WWP2: variants seen among roughly 807,000 people sequenced by gnomAD.
WWP2 encodes NEDD4-like E3 ubiquitin-protein ligase WWP2.
Under a neutral mutation model 121.0 loss-of-function variants are expected in WWP2, and 57 were observed. The observed-to-expected ratio is 0.47, with a 90% confidence interval of 0.38 to 0.59. The LOEUF (loss-of-function observed/expected upper bound fraction) is 0.59. Ranked by LOEUF, WWP2 falls within the 20% of genes least tolerant of loss-of-function variation. WWP2 has a pLI of 0.00. For synonymous variants in WWP2, 449 were observed against 441.3 expected, an observed-to-expected ratio of 1.02 and a Z score of -0.22; for missense variants, 962 against 1,158.9, an observed-to-expected ratio of 0.83 and a Z score of 2.47.
chr16:69,876,913 TG>T (rs2057745322), intron 7 of WWP2, among the ~76,000 whole-genome samples: 1 of 152,170 alleles, frequency 6.6e-6, no homozygotes, highest in African/African-American at 2.4e-5. Flanking sequence ...CAGACAGATG[TG>T]CTGTGATCCA....
At chr16:69,887,165 A>C (rs1435330845) in intron 7 of WWP2, among the ~76,000 whole-genome samples, 1 of 152,134 alleles carries the variant, frequency 6.6e-6, no homozygotes, top group Non-Finnish European at 1.5e-5. Context: ...AGTGTGTTTC[A>C]CTTCTGTCTC....
rs571150223 is a variant in WWP2 at position 69,939,784 on chromosome 16, G to C, written c.2514-57G>C. On this transcript the variant is annotated intron_variant, in intron 23 of 23. Coordinates refer to ENST00000359154, the MANE Select transcript of WWP2 (RefSeq NM_001270454.2). ...GCCCTGCTGCAGGCAGGCATGGTGGGGCTATCAGAGCCCTGGCCTCCTAGG... is the reference window on the plus strand; with the variant it reads ...GCCCTGCTGCAGGCAGGCATGGTGGCGCTATCAGAGCCCTGGCCTCCTAGG... 14 of 1,509,448 alleles carry C rather than the reference G, an allele frequency of 9.3e-6. 1 individual carries two copies. In the Middle Eastern group the frequency reaches 5.2e-4, roughly 56 times the overall value. The allele number at this position is 1,509,448 out of a possible 1,614,324, so 93.5% of individuals were successfully genotyped here. A position where few individuals can be genotyped will look rare whatever the true frequency, so the allele number is the denominator to read the frequency against.
intron 1 of WWP2, among the ~76,000 whole-genome samples, chr16:69,784,297 A>G (rs1363762054): frequency 6.6e-6 from 1 of 151,830 alleles, no homozygotes; most frequent in Non-Finnish European, 1.5e-5. Context: ...ACGAGGTTTC[A>G]CCATGTTGGT....
At chr16:69,936,630 C>G (rs573648635) in intron 19 of WWP2, 178 bp downstream of exon 19, 3 of 816,566 alleles carry the variant, frequency 3.7e-6, no homozygotes, top group African/African-American at 3.5e-5. Context: ...GAACCAAAGC[C>G]GAGGTCCTTA....
chr16:69,798,480 ATTT>A (rs200856879), intron 2 of WWP2, among the ~76,000 whole-genome samples, 199 bp from the exon 3 acceptor site: 2 of 138,620 alleles, frequency 1.4e-5, no homozygotes, highest in Non-Finnish European at 1.6e-5. Flanking sequence ...CAGGTTAGGG[ATTT>A]TTTTTTTTTT....
chr16:69,812,908 G>C (rs936815324), intron 4 of WWP2, among the ~76,000 whole-genome samples: 3 of 152,100 alleles, frequency 2.0e-5, no homozygotes, highest in African/African-American at 7.2e-5. Flanking sequence ...TTACGGGGAG[G>C]TACTTTGAGA....
chr16:69,823,910 A>G (rs1267306292), intron 4 of WWP2, among the ~76,000 whole-genome samples: 2 of 152,230 alleles, frequency 1.3e-5, no homozygotes. Context: ...GCGTTGGGCC[A>G]TCTTCTCCAA....
chr16:69,886,697 T>C (rs2151936560), intron 7 of WWP2, among the ~76,000 whole-genome samples: 1 of 152,130 alleles, frequency 6.6e-6, no homozygotes, highest in South Asian at 2.1e-4. Flanking sequence ...GAGGCAGAGG[T>C]TGCATTGAGC....
chr16:69,855,854 C>T (rs1242634496), intron 6 of WWP2, among the ~76,000 whole-genome samples: 2 of 152,206 alleles, frequency 1.3e-5, no homozygotes, highest in Non-Finnish European at 2.9e-5. Flanking sequence ...TGAATTTCTG[C>T]TTTATGTATT....
intron 6 of WWP2, among the ~76,000 whole-genome samples, chr16:69,842,949 A>T (rs532193252): frequency 1.3e-5 from 2 of 152,318 alleles, no homozygotes; most frequent in South Asian, 4.1e-4. Context: ...GATTACAGCC[A>T]TAAGCCACTG....
intron 6 of WWP2, among the ~76,000 whole-genome samples, chr16:69,846,223 C>T (rs1406153250): frequency 4.6e-5 from 7 of 151,958 alleles, no homozygotes; most frequent in Non-Finnish European, 1.0e-4. Flanking sequence ...GTCATACACT[C>T]TTATAATGGA....
At chr16:69,918,006 T>C (rs1302812380) in intron 10 of WWP2, 123 bp downstream of exon 10, 1 of 1,270,092 alleles carries the variant, frequency 7.9e-7, no homozygotes, top group Non-Finnish European at 1.1e-6. Context: ...ACGTCAGTGC[T>C]CTGCCCCTGG....
intron 9 of WWP2, among the ~76,000 whole-genome samples, chr16:69,910,745 G>A (rs998841647): frequency 1.3e-5 from 2 of 152,076 alleles, no homozygotes; most frequent in Non-Finnish European, 2.9e-5. Context: ...TGTCTAGGAG[G>A]GACGTAGGCC....
intron 1 of WWP2, among the ~76,000 whole-genome samples, chr16:69,780,491 T>C (rs2055641826): frequency 6.6e-6 from 1 of 152,186 alleles, no homozygotes; most frequent in African/African-American, 2.4e-5. Context: ...CCTCTGCAAA[T>C]GCCTGGGAGT....
intron 6 of WWP2, among the ~76,000 whole-genome samples, chr16:69,860,223 A>C (rs1020164897): frequency 6.6e-6 from 1 of 152,126 alleles, no homozygotes; most frequent in African/African-American, 2.4e-5. Context: ...GGAGGTGATG[A>C]GTGACTGGAT....
At chr16:69,795,663 T>TTG (rs1259697670) in intron 2 of WWP2, among the ~76,000 whole-genome samples, 1 of 137,000 alleles carries the variant, frequency 7.3e-6, no homozygotes, top group African/African-American at 2.8e-5. Flanking sequence ...TTTTTTTTTT[T>TTG]TTTTTTTTTT....
Position 69,838,665 on chromosome 16 carries a change from G to A in WWP2, c.341-1461G>A, listed in dbSNP as rs1343086202. The A allele has an allele frequency of 5.2e-6, 5 of 954,076 alleles. No homozygotes were observed. The African/African-American group carries it at 8.8e-5, about 17-fold the overall frequency. The allele number at this position is 954,076 out of a possible 1,614,324, so 59.1% of individuals were successfully genotyped here. On this transcript the variant is annotated intron_variant, in intron 4 of 23. Transcript: ENST00000359154. ...GGATGGCAAGAGGTGGCTGGGGGTT[G>A]AAAGGCCTCAGTTCCTTCCCATACT...
chr16:69,859,884 G>A (rs1275693167), intron 6 of WWP2, among the ~76,000 whole-genome samples: 3 of 60,736 alleles, frequency 4.9e-5, no homozygotes, highest in Non-Finnish European at 1.0e-4. Flanking sequence ...CGCCCCGCCC[G>A]ATGATCCCCT....
chr16:69,818,808 T>G (rs1465772921), intron 4 of WWP2, among the ~76,000 whole-genome samples: 1 of 152,182 alleles, frequency 6.6e-6, no homozygotes, highest in Non-Finnish European at 1.5e-5. Flanking sequence ...CCATGGTGGC[T>G]TTGTCCTGTG....
Sources: gnomAD v4.1 joint callset for allele counts (sites outside exome capture counted in the v4.1 genomes callset) on GRCh38, gnomAD v4.1.1 for gene constraint, MANE v1.5 for transcripts, NCBI Gene and HGNC (gene_info 2026-07-23, HGNC 2026-07-21) for gene names.